The following PDE3A variants were observed in gnomAD, a reference collection of about 807,000 sequenced individuals.
The protein encoded by PDE3A is cGMP-inhibited 3',5'-cyclic phosphodiesterase 3A.
A neutral mutation model predicts 98.3 loss-of-function variants in PDE3A; 43 were observed. The observed-to-expected ratio is 0.44, with a 90% confidence interval of 0.34 to 0.56. The LOEUF (loss-of-function observed/expected upper bound fraction) is 0.56. Among genes scored for constraint, PDE3A ranks in the 20% least tolerant of loss-of-function variants. The pLI, the probability that PDE3A is intolerant of heterozygous loss-of-function variation, is 0.01. For synonymous variants in PDE3A, 663 were observed against 567.9 expected (o/e 1.17, Z -2.38); for missense variants, 1,427 against 1,440.7 (o/e 0.99, Z 0.15).
At chr12:20,414,030 T>C (rs1366328091) in intron 1 of PDE3A, among the ~76,000 whole-genome samples, 1 of 152,180 alleles carries the variant, frequency 6.6e-6, no homozygotes, top group Non-Finnish European at 1.5e-5. Flanking sequence ...AAGGTGATGA[T>C]AGATAACAGA....
rs75851941 is a variant in PDE3A at position 20,400,379 on chromosome 12, G to GTTTTTTTTTTTTTTTTT, written c.960+30164_960+30180dup. ...AGCTCATGTTGACTCGTTAACATTG[G>GTTTTTTTTTTTTTTTTT]TTTTTTTTTTTTTTTTTTTTTTTTT... On this transcript the variant is annotated intron_variant, in intron 1 of 15. Transcript: ENST00000359062. Among the ~76,000 whole-genome samples the GTTTTTTTTTTTTTTTTT allele has an allele frequency of 1.5e-4, 17 of 110,286 alleles. 2 individuals are homozygous for GTTTTTTTTTTTTTTTTT. The highest frequency in any genetic ancestry group is 2.1e-4 in the African/African-American group (5 of 24,114). 72.4% of individuals were successfully genotyped at this position (110,286 alleles called of 152,430 possible). A position where few individuals can be genotyped will look rare whatever the true frequency, so the allele number is the denominator to read the frequency against.
Position 20,370,124 on chromosome 12 carries a change from G to A in PDE3A, c.840G>A (p.Lys280=). Residue 280 remains lysine (K), a synonymous_variant, in exon 1 of 16, where the codon AAG becomes AAA. Transcript: ENST00000359062. ...HLGSQLIAGT[K]EDIPVFKRRR... is the part of the protein sequence containing the mutation. ...GGTCCCAGCTGATTGCTGGGACCAAGGAAGATATCCCGGTGTTTAAGAGGA... is the reference window on the plus strand; with the variant it reads ...GGTCCCAGCTGATTGCTGGGACCAAAGAAGATATCCCGGTGTTTAAGAGGA... 1 of 1,613,488 alleles carries A rather than the reference G, an allele frequency of 6.2e-7. No individual in the cohort carries two copies. The highest frequency in any genetic ancestry group is 8.5e-7 in the Non-Finnish European group (1 of 1,179,984).
At chr12:20,590,215 TC>T in intron 2 of PDE3A, among the ~76,000 whole-genome samples, 2 of 152,106 alleles carry the variant, frequency 1.3e-5, no homozygotes, top group Non-Finnish European at 2.9e-5. Flanking sequence ...CTGAGTGTAT[TC>T]ATTTCATTCT....
rs368379074 is a variant in PDE3A, at chr12:20,612,827, T to C, written c.1012-616T>C. ...GGACAGAGTAATGACTCTGCTCTGA[T>C]AGGCAGTTTGGCAGAATATGACAGA... On this transcript the variant is annotated intron_variant, in intron 2 of 15. Coordinates refer to ENST00000359062, the MANE Select transcript of PDE3A (RefSeq NM_000921.5). Among the ~76,000 whole-genome samples, 55 of 151,712 alleles carry C rather than the reference T, an allele frequency of 3.6e-4. 2 individuals carry two copies. In the South Asian group the frequency reaches 0.011, roughly 30 times the overall value.
In PDE3A at chr12:20,369,482, C is replaced by T; in HGVS notation, c.198C>T (p.Cys66=). ...RSSRKLSSAL[C]AGSLSFLLAL... ...CTCGGAAACTTTCCTCCGCGCTGTGCGCGGGCTCCCTGTCCTTTCTGCTGG... is the reference window on the plus strand; with the variant it reads ...CTCGGAAACTTTCCTCCGCGCTGTGTGCGGGCTCCCTGTCCTTTCTGCTGG... Residue 66 remains cysteine (C), a synonymous_variant, in exon 1 of 16, where the codon TGC becomes TGT. Transcript: ENST00000359062. 6.4e-7 allele frequency: 1 copy of T among 1,556,538 alleles called. No individual in the cohort carries two copies.
intron 15 of PDE3A, among the ~76,000 whole-genome samples, chr12:20,670,560 A>C (rs1406094056): frequency 6.6e-6 from 1 of 152,164 alleles, no homozygotes; most frequent in African/African-American, 2.4e-5. Flanking sequence ...AAAACTGCTC[A>C]ACTGCATGGA....
intron 2 of PDE3A, among the ~76,000 whole-genome samples, chr12:20,587,495 T>C (rs1222777585): frequency 6.6e-6 from 1 of 152,214 alleles, no homozygotes; most frequent in Non-Finnish European, 1.5e-5. Flanking sequence ...GTGTTTCTTC[T>C]AGAATTTTAC....
At chr12:20,666,090 C>T (rs1945303377) in intron 15 of PDE3A, among the ~76,000 whole-genome samples, 1 of 151,520 alleles carries the variant, frequency 6.6e-6, no homozygotes, top group African/African-American at 2.4e-5. Flanking sequence ...GCCTCAGCCC[C>T]CCAAGTAGCT....
intron 1 of PDE3A, among the ~76,000 whole-genome samples, chr12:20,542,124 T>C (rs867138730): frequency 2.0e-5 from 3 of 152,070 alleles, no homozygotes; most frequent in Admixed American, 6.6e-5. Flanking sequence ...GGGAAAATGT[T>C]TGGAATTTTG....
At position 20,637,141 on chromosome 12, in the gene PDE3A, C is replaced by T. The variant is rs764459355; in HGVS notation, c.2043C>T (p.Asn681=). The T allele has an allele frequency of 6.2e-7, 1 of 1,609,856 alleles. No individual in the cohort carries two copies. The highest frequency in any genetic ancestry group is 1.3e-5 in the African/African-American group (1 of 74,720). ...CTCCCGAACCTCTTGTCATGGATAACCTGGACTCAATTATGGAGCAGCTAA... is the reference window on the plus strand; with the variant it reads ...CTCCCGAACCTCTTGTCATGGATAATCTGGACTCAATTATGGAGCAGCTAA... ...ILAPEPLVMD[N]LDSIMEQLNT... The change falls in exon 9 of 16, where the codon AAC becomes AAT. Residue 681 remains asparagine, a synonymous_variant. Coordinates refer to ENST00000359062, the MANE Select transcript of PDE3A (RefSeq NM_000921.5).
Position 20,613,296 on chromosome 12 carries a change from A to T in PDE3A, c.1012-147A>T, listed in dbSNP as rs973405141. The T allele has an allele frequency of 2.9e-5, 21 of 725,370 alleles. No homozygotes were observed. The African/African-American group carries it at 3.5e-4, about 12-fold the overall frequency. 44.9% of individuals were successfully genotyped at this position (725,370 alleles called of 1,614,324 possible). A position where few individuals can be genotyped will look rare whatever the true frequency, so the allele number is the denominator to read the frequency against. On this transcript the variant is annotated intron_variant, in intron 2 of 15. Transcript: ENST00000359062. Reference sequence around the variant, plus strand: ...GGCAGCTAGGGCACATTTTAGCAGAATTTGAAATAGGTGGTGTGAATTTTA... The same window carrying T: ...GGCAGCTAGGGCACATTTTAGCAGATTTTGAAATAGGTGGTGTGAATTTTA...
chr12:20,380,364 A>G (rs1016025642), intron 1 of PDE3A, among the ~76,000 whole-genome samples: 10 of 151,878 alleles, frequency 6.6e-5, no homozygotes, highest in Non-Finnish European at 1.2e-4. Flanking sequence ...TGCAGAATCA[A>G]GTTGAACTGA....
chr12:20,651,041 A>G (rs1432004745), intron 14 of PDE3A, among the ~76,000 whole-genome samples: 2 of 152,190 alleles, frequency 1.3e-5, no homozygotes, highest in Non-Finnish European at 2.9e-5. Context: ...TTAAATGTAC[A>G]TGGAATAGTT....
intron 1 of PDE3A, among the ~76,000 whole-genome samples, chr12:20,392,257 T>C (rs77200839): frequency 6.6e-6 from 1 of 152,100 alleles, no homozygotes; most frequent in East Asian, 1.9e-4. Flanking sequence ...CTTTGTTAAA[T>C]AACTTCTGGT....
intron 1 of PDE3A, among the ~76,000 whole-genome samples, chr12:20,539,224 C>T (rs1050809659): frequency 1.3e-5 from 2 of 152,040 alleles, no homozygotes; most frequent in African/African-American, 4.8e-5. Flanking sequence ...ATGGGACCCA[C>T]GTCTAAAACA....
intron 1 of PDE3A, among the ~76,000 whole-genome samples, chr12:20,475,439 C>G (rs1014958940): frequency 1.3e-5 from 2 of 152,152 alleles, no homozygotes; most frequent in Admixed American, 1.3e-4. Context: ...TTAAAAGAAT[C>G]TTGGGGGTGG....
intron 1 of PDE3A, among the ~76,000 whole-genome samples, chr12:20,516,665 TAAA>T: frequency 6.6e-6 from 1 of 152,348 alleles, no homozygotes; most frequent in East Asian, 1.9e-4. Flanking sequence ...AATATGTTTA[TAAA>T]AGTCTGATTC....
chr12:20,591,135 A>G (rs1943329939), intron 2 of PDE3A, among the ~76,000 whole-genome samples: 1 of 152,230 alleles, frequency 6.6e-6, no homozygotes, highest in Non-Finnish European at 1.5e-5. Context: ...TTCCCCCTAA[A>G]GTCCTAAAAC....
chr12:20,619,891 T>C (rs1944092908), intron 4 of PDE3A, among the ~76,000 whole-genome samples: 1 of 151,880 alleles, frequency 6.6e-6, no homozygotes, highest in South Asian at 2.1e-4. Flanking sequence ...AGTGTCAGAG[T>C]GTCAAATTGA....
Sources: allele counts gnomAD v4.1 joint callset (sites outside exome capture counted in the v4.1 genomes callset), GRCh38; gene constraint gnomAD v4.1.1; transcripts MANE v1.5; gene names NCBI Gene and HGNC (gene_info 2026-07-23, HGNC 2026-07-21).